Variants in MAPKAPK2 observed in about 807,000 individuals in gnomAD.
MAPKAPK2 encodes the protein MAPK activated protein kinase 2.
A neutral mutation model predicts 48.8 loss-of-function variants in MAPKAPK2; 9 were observed. The ratio of observed to expected loss-of-function variants is 0.18; its 90% CI spans 0.11 to 0.32. The LOEUF is 0.32. Ranked by LOEUF, MAPKAPK2 falls within the 10% of genes least tolerant of loss-of-function variation. The probability of loss-of-function intolerance (pLI) is 1.00; values close to 1 mark genes in which losing one functional copy is unlikely to be tolerated. For synonymous variants in MAPKAPK2, 202 were observed against 190.6 expected (o/e 1.06, Z -0.49); for missense variants, 331 against 498.3 (o/e 0.66, Z 3.20).
intron 1 of MAPKAPK2, among the ~76,000 whole-genome samples, chr1:206,714,695 G>A (rs1465521750): frequency 6.7e-6 from 1 of 150,118 alleles, no homozygotes; most frequent in Non-Finnish European, 1.5e-5. Flanking sequence ...AATCTGGGAG[G>A]TGGAGGTTGC....
At chr1:206,702,115 C>T (rs1672815998) in intron 1 of MAPKAPK2, among the ~76,000 whole-genome samples, 1 of 152,168 alleles carries the variant, frequency 6.6e-6, no homozygotes, top group African/African-American at 2.4e-5. Context: ...TAAATTCTTC[C>T]AATGGTAAGG....
At chr1:206,702,624 G>C (rs1220133079) in intron 1 of MAPKAPK2, among the ~76,000 whole-genome samples, 1 of 152,212 alleles carries the variant, frequency 6.6e-6, no homozygotes, top group East Asian at 1.9e-4. Context: ...GACATTGAGA[G>C]ATTCAGCCAT....
At chr1:206,728,428 C>T (rs1396884147) in intron 1 of MAPKAPK2, among the ~76,000 whole-genome samples, 1 of 152,162 alleles carries the variant, frequency 6.6e-6, no homozygotes, top group Non-Finnish European at 1.5e-5. Flanking sequence ...CCACAGTAGA[C>T]TTTATGGCCT....
At chr1:206,730,839 G>C in intron 6 of MAPKAPK2, 76 bp downstream of exon 6, 9 of 1,479,400 alleles carry the variant, frequency 6.1e-6, no homozygotes, top group Non-Finnish European at 8.5e-6. Flanking sequence ...AAGAGGAAGA[G>C]GCAGACGTTA....
At chr1:206,725,429 G>A (rs1216256600) in intron 1 of MAPKAPK2, among the ~76,000 whole-genome samples, 4 of 152,164 alleles carry the variant, frequency 2.6e-5, no homozygotes, top group Admixed American at 6.5e-5. Context: ...CAGTGGTGAC[G>A]GAGGAACCCC....
chr1:206,706,322 G>C (rs1050256003), intron 1 of MAPKAPK2, among the ~76,000 whole-genome samples: 2 of 152,050 alleles, frequency 1.3e-5, no homozygotes, highest in Non-Finnish European at 1.5e-5. Context: ...GAGTCACTCA[G>C]ATGGGGGAGG....
chr1:206,714,497 TCATGCTGGTAATC>T (rs1553430033), intron 1 of MAPKAPK2, among the ~76,000 whole-genome samples: 1 of 152,000 alleles, frequency 6.6e-6, no homozygotes, highest in African/African-American at 2.4e-5. Flanking sequence ...ACGCAGTGGC[TCATGCTGGTAATC>T]CCAGCATTTT....
At chr1:206,703,633 G>A (rs1672864670) in intron 1 of MAPKAPK2, among the ~76,000 whole-genome samples, 1 of 152,204 alleles carries the variant, frequency 6.6e-6, no homozygotes, top group African/African-American at 2.4e-5. Flanking sequence ...AGGTGATGCA[G>A]CACACACTTG....
chr1:206,693,938 A>G (rs1209396047), intron 1 of MAPKAPK2, among the ~76,000 whole-genome samples: 1 of 152,108 alleles, frequency 6.6e-6, no homozygotes, highest in African/African-American at 2.4e-5. Context: ...AATGTCACCG[A>G]GTGCATGGGT....
chr1:206,701,885 C>T (rs571615496), intron 1 of MAPKAPK2, among the ~76,000 whole-genome samples: 1 of 148,918 alleles, frequency 6.7e-6, no homozygotes, highest in Non-Finnish European at 1.5e-5. Context: ...AGGACTACAT[C>T]CTAAGAGATG....
At chr1:206,713,473 G>A (rs186980515) in intron 1 of MAPKAPK2, among the ~76,000 whole-genome samples, 74 of 152,326 alleles carry the variant, frequency 4.9e-4, no homozygotes, top group Non-Finnish European at 4.0e-4. Flanking sequence ...CAGTGGAGAT[G>A]TTTAAGGAGG....
intron 1 of MAPKAPK2, among the ~76,000 whole-genome samples, chr1:206,691,014 A>G (rs1553426171): frequency 6.6e-6 from 1 of 152,150 alleles, no homozygotes; most frequent in Non-Finnish European, 1.5e-5. Flanking sequence ...TGTTCTTTGC[A>G]GGGACTGCAG....
intron 1 of MAPKAPK2, among the ~76,000 whole-genome samples, chr1:206,716,764 G>T (rs1673351347): frequency 2.0e-5 from 3 of 151,978 alleles, no homozygotes; most frequent in African/African-American, 7.3e-5. Flanking sequence ...ACTTTCTCTT[G>T]CTAGTTTGTC....
chr1:206,698,113 G>C (rs952081286), intron 1 of MAPKAPK2, among the ~76,000 whole-genome samples: 3 of 152,270 alleles, frequency 2.0e-5, no homozygotes, highest in Admixed American at 6.5e-5. Flanking sequence ...CTGCAGGACA[G>C]TGTTACTTCA....
chr1:206,691,645 A>G (rs1672462999), intron 1 of MAPKAPK2, among the ~76,000 whole-genome samples: 1 of 152,028 alleles, frequency 6.6e-6, no homozygotes, highest in South Asian at 2.1e-4. Flanking sequence ...ATGACCTTGA[A>G]TAGGTCAGCT....
In MAPKAPK2 at chr1:206,729,421, C is replaced by A. The variant is rs150816661; in HGVS notation, c.510C>A (p.Ile170=). The change falls in exon 4 of 10, where the codon ATC becomes ATA. Residue 170 remains isoleucine (I), a synonymous_variant. Coordinates refer to ENST00000367103, the MANE Select transcript of MAPKAPK2 (RefSeq NM_032960.4). The part of the protein sequence containing the change: ...EREASEIMKS[I]GEAIQYLHSI... ...AAGCATCCGAAATCATGAAGAGCAT[C>A]GGTGAGGCCATCCAGTATCTGCATT... is the stretch of plus-strand genomic sequence containing the variant. 1.2e-6 allele frequency: 2 copies of A among 1,614,064 alleles called. No individual in the cohort carries two copies. The highest frequency in any genetic ancestry group is 1.7e-6 in the Non-Finnish European group (2 of 1,179,918).
chr1:206,700,969 T>C (rs888165049), intron 1 of MAPKAPK2, among the ~76,000 whole-genome samples: 2 of 152,308 alleles, frequency 1.3e-5, no homozygotes, highest in South Asian at 4.1e-4. Context: ...CAGGGTAAAG[T>C]CCTTGGGGGT....
chr1:206,710,445 TG>T (rs1673109871), intron 1 of MAPKAPK2, among the ~76,000 whole-genome samples: 1 of 152,138 alleles, frequency 6.6e-6, no homozygotes, highest in Admixed American at 6.6e-5. Flanking sequence ...ATGAGGGAAT[TG>T]GCCAAGAAAG....
At chr1:206,713,787 A>G (rs1673233371) in intron 1 of MAPKAPK2, among the ~76,000 whole-genome samples, 1 of 152,008 alleles carries the variant, frequency 6.6e-6, no homozygotes, top group East Asian at 1.9e-4. Context: ...AATTGCTTGA[A>G]CCCAAGAGGC....
Sources: gnomAD v4.1 joint callset for allele counts (sites outside exome capture counted in the v4.1 genomes callset) on GRCh38, gnomAD v4.1.1 for gene constraint, MANE v1.5 for transcripts, NCBI Gene and HGNC (gene_info 2026-07-23, HGNC 2026-07-21) for gene names.